PPP1R9A: variants seen among roughly 807,000 people sequenced by gnomAD.
The protein encoded by PPP1R9A is protein phosphatase 1 regulatory subunit 9A.
Under a neutral mutation model 141.9 loss-of-function variants are expected in PPP1R9A, and 59 were observed. The observed-to-expected ratio is 0.42, with a 90% CI of 0.34 to 0.52. The LOEUF is 0.52. Ranked by LOEUF, PPP1R9A falls within the 20% of genes least tolerant of loss-of-function variation. The pLI, the probability that PPP1R9A is intolerant of heterozygous loss-of-function variation, is 0.10. For missense variants in PPP1R9A, 1,444 were observed against 1,611.9 expected (o/e 0.90, Z 1.78); for synonymous variants, 500 against 569.7 (o/e 0.88, Z 1.74).
chr7:95,168,748 A>G (rs1831658451), intron 5 of PPP1R9A, among the ~76,000 whole-genome samples: 2 of 152,136 alleles, frequency 1.3e-5, no homozygotes, highest in Admixed American at 1.3e-4. Context: ...GACATTTCTC[A>G]AAATAAGACA....
At chr7:94,916,382 G>T (rs1305946296) in intron 2 of PPP1R9A, among the ~76,000 whole-genome samples, 3 of 152,202 alleles carry the variant, frequency 2.0e-5, no homozygotes, top group Admixed American at 1.3e-4. Context: ...ATCACTCTTT[G>T]GAATATGAAT....
intron 4 of PPP1R9A, among the ~76,000 whole-genome samples, chr7:95,121,810 A>G (rs1204179971): frequency 6.6e-6 from 1 of 152,146 alleles, no homozygotes; most frequent in Non-Finnish European, 1.5e-5. Flanking sequence ...CCACTCTCAA[A>G]GAAATAAATC....
chr7:94,924,252 T>C (rs1320581464), intron 2 of PPP1R9A, among the ~76,000 whole-genome samples: 1 of 152,202 alleles, frequency 6.6e-6, no homozygotes, highest in African/African-American at 2.4e-5. Context: ...GTGATATCTT[T>C]TTTTAGTTAA....
chr7:95,274,177 G>A lies in PPP1R9A; in HGVS notation c.3296+9G>A. ...TTTTCTGCAGGTAGCAGGTACGGTT[G>A]TGTGATTAAGAACACGTGTATTTCT... On this transcript the variant is annotated intron_variant, in intron 16 of 19. Coordinates refer to ENST00000433360, the MANE Select transcript of PPP1R9A (RefSeq NM_001166160.2). 3 of 1,537,188 alleles carry A rather than the reference G, an allele frequency of 2.0e-6. No homozygotes were observed. Among genetic ancestry groups the A allele is most frequent in the Non-Finnish European group, 2.6e-6 (3 of 1,135,790 alleles).
intron 2 of PPP1R9A, among the ~76,000 whole-genome samples, chr7:95,001,699 T>A (rs1269575112): frequency 6.6e-6 from 1 of 152,216 alleles, no homozygotes; most frequent in African/African-American, 2.4e-5. Flanking sequence ...GATTAGTATT[T>A]TTTGTTAATC....
chr7:95,199,808 A>G (rs1199108099), intron 6 of PPP1R9A, among the ~76,000 whole-genome samples: 1 of 152,176 alleles, frequency 6.6e-6, no homozygotes, highest in Non-Finnish European at 1.5e-5. Flanking sequence ...TTGAACTTGT[A>G]TCTTACCTGG....
rs1256701630 is a variant in PPP1R9A at position 95,079,742 on chromosome 7, T to C, written c.1396-31517T>C. On this transcript the variant is annotated intron_variant, in intron 2 of 19. Coordinates refer to ENST00000433360, the MANE Select transcript of PPP1R9A (RefSeq NM_001166160.2). ...AGCACATCAAAAGGCTTATCCACCA[T>C]GATCAAGTGGGCTTCATCCCTGGGA... 2.6e-5 allele frequency among the ~76,000 whole-genome samples: 4 copies of C among 152,184 alleles called. No individual in the cohort carries two copies. The South Asian group carries it at 6.2e-4, about 24-fold the overall frequency.
intron 2 of PPP1R9A, among the ~76,000 whole-genome samples, chr7:95,066,948 G>A (rs1225702614): frequency 6.6e-6 from 1 of 152,192 alleles, no homozygotes; most frequent in African/African-American, 2.4e-5. Flanking sequence ...AAAACTTTCA[G>A]GGGAAACAAC....
chr7:95,106,979 G>A (rs189730672), intron 2 of PPP1R9A, among the ~76,000 whole-genome samples: 3 of 151,840 alleles, frequency 2.0e-5, no homozygotes, highest in African/African-American at 7.2e-5. Context: ...ATGGGGTTTC[G>A]CCATGTTGGC....
chr7:95,087,532 G>A (rs1816783991), intron 2 of PPP1R9A, among the ~76,000 whole-genome samples: 1 of 152,050 alleles, frequency 6.6e-6, no homozygotes, highest in Non-Finnish European at 1.5e-5. Context: ...GAAACATGAT[G>A]AAATATTGAT....
At chr7:94,962,428 T>G (rs1797736296) in intron 2 of PPP1R9A, among the ~76,000 whole-genome samples, 1 of 152,118 alleles carries the variant, frequency 6.6e-6, no homozygotes, top group South Asian at 2.1e-4. Flanking sequence ...CCACTCAGAA[T>G]TTTGTAAAAT....
intron 7 of PPP1R9A, among the ~76,000 whole-genome samples, chr7:95,208,255 A>G (rs766981006): frequency 2.0e-5 from 3 of 152,226 alleles, no homozygotes; most frequent in African/African-American, 7.2e-5. Context: ...ATTACACTCT[A>G]GAAGAGTTGA....
intron 7 of PPP1R9A, among the ~76,000 whole-genome samples, chr7:95,204,631 A>C (rs1214841192): frequency 7.2e-6 from 1 of 139,392 alleles, no homozygotes; most frequent in Admixed American, 7.4e-5. Context: ...CACTCACACC[A>C]CACATACCCA....
chr7:95,029,432 G>A (rs1424781151), intron 2 of PPP1R9A, among the ~76,000 whole-genome samples: 1 of 152,196 alleles, frequency 6.6e-6, no homozygotes, highest in East Asian at 1.9e-4. Flanking sequence ...GAGAAATTGT[G>A]ATTGAGATAA....
At chr7:94,936,234 G>C (rs1269687518) in intron 2 of PPP1R9A, among the ~76,000 whole-genome samples, 1 of 152,036 alleles carries the variant, frequency 6.6e-6, no homozygotes, top group Non-Finnish European at 1.5e-5. Context: ...TCCTCTGGGC[G>C]CCAGTTTCCT....
intron 2 of PPP1R9A, among the ~76,000 whole-genome samples, chr7:95,104,654 T>G (rs2152417126): frequency 6.6e-6 from 1 of 152,282 alleles, no homozygotes; most frequent in South Asian, 2.1e-4. Context: ...GGGCACACAC[T>G]GGACAATCAA....
chr7:94,988,118 A>G (rs1414321100), intron 2 of PPP1R9A, among the ~76,000 whole-genome samples: 3 of 151,822 alleles, frequency 2.0e-5, no homozygotes, highest in African/African-American at 4.8e-5. Flanking sequence ...CAGATGGGAA[A>G]CTCTGCCTGC....
chr7:95,110,442 G>A (rs910496563), intron 2 of PPP1R9A, among the ~76,000 whole-genome samples: 2 of 152,102 alleles, frequency 1.3e-5, no homozygotes, highest in African/African-American at 4.8e-5. Flanking sequence ...GCCAGTGTCT[G>A]TTATGTATAT....
intron 3 of PPP1R9A, among the ~76,000 whole-genome samples, chr7:95,116,368 G>T (rs1378884822): frequency 6.6e-6 from 1 of 151,874 alleles, no homozygotes; most frequent in African/African-American, 2.4e-5. Flanking sequence ...ATTAGATTTG[G>T]TAAAATAATT....
Sources: gnomAD v4.1 joint callset for allele counts (sites outside exome capture counted in the v4.1 genomes callset) on GRCh38, gnomAD v4.1.1 for gene constraint, MANE v1.5 for transcripts, NCBI Gene and HGNC (gene_info 2026-07-23, HGNC 2026-07-21) for gene names.